The following MYL10 variants were observed in gnomAD, a reference collection of about 807,000 sequenced individuals.
MYL10 encodes the protein myosin regulatory light chain 10.
A neutral mutation model predicts 21.9 loss-of-function variants in MYL10; 18 were observed. That is an observed-to-expected ratio of 0.82 (90% confidence interval 0.57 to 1.22). The LOEUF (loss-of-function observed/expected upper bound fraction) is 1.22. Among genes scored for constraint, MYL10 ranks in the 50% most tolerant of loss-of-function variants. The probability of loss-of-function intolerance (pLI) is 0.00; values close to 1 mark genes in which losing one functional copy is unlikely to be tolerated. For missense variants in MYL10, 225 were observed against 230.4 expected, an observed-to-expected ratio of 0.98 and a Z score of 0.15; for synonymous variants, 88 against 82.8, an observed-to-expected ratio of 1.06 and a Z score of -0.34.
At chr7:101,627,032 C>T (rs1481413575) in intron 1 of MYL10, among the ~76,000 whole-genome samples, 3 of 152,006 alleles carry the variant, frequency 2.0e-5, no homozygotes, top group African/African-American at 7.3e-5. Flanking sequence ...TGGCTCACGC[C>T]TGTAATCCCA....
At chr7:101,617,159 G>A (rs925084646) in intron 5 of MYL10, among the ~76,000 whole-genome samples, 1 of 152,210 alleles carries the variant, frequency 6.6e-6, no homozygotes, top group Non-Finnish European at 1.5e-5. Context: ...CTGTGGATGC[G>A]GGGGTGCCCC....
At chr7:101,616,713 G>A (rs886269298) in intron 5 of MYL10, among the ~76,000 whole-genome samples, 9 of 152,278 alleles carry the variant, frequency 5.9e-5, no homozygotes, top group Middle Eastern at 3.4e-3. Flanking sequence ...TGACTCTGGG[G>A]CTCACGTGTT....
intron 4 of MYL10, 122 bp from the exon 5 acceptor site, chr7:101,622,322 T>C: frequency 3.0e-6 from 2 of 669,296 alleles, no homozygotes; most frequent in Non-Finnish European, 4.9e-6. Context: ...CCTAAGGCCC[T>C]GACGCCTTTT....
intron 6 of MYL10, among the ~76,000 whole-genome samples, 195 bp downstream of exon 6, chr7:101,616,025 A>G (rs1488871532): frequency 1.3e-5 from 2 of 151,794 alleles, no homozygotes; most frequent in Non-Finnish European, 2.9e-5. Flanking sequence ...ATCCATTTCT[A>G]CTTCCACGCA....
At chr7:101,626,713 T>G (rs926213865) in intron 1 of MYL10, among the ~76,000 whole-genome samples, 1 of 152,040 alleles carries the variant, frequency 6.6e-6, no homozygotes, top group Admixed American at 6.5e-5. Context: ...CCACTGCCCC[T>G]GTGAAGCCCC....
intron 5 of MYL10, among the ~76,000 whole-genome samples, chr7:101,620,382 G>A (rs894580335): frequency 7.2e-5 from 11 of 152,076 alleles, no homozygotes; most frequent in African/African-American, 2.2e-4. Context: ...AGAAGAGGGC[G>A]GGGCCATTGA....
intron 1 of MYL10, among the ~76,000 whole-genome samples, chr7:101,627,689 C>T (rs896749582): frequency 3.3e-5 from 5 of 152,208 alleles, no homozygotes; most frequent in East Asian, 1.9e-4. Context: ...ATACCACGGA[C>T]GCAGGGACTG....
chr7:101,627,217 C>G (rs1051353842), intron 1 of MYL10, among the ~76,000 whole-genome samples: 1 of 151,714 alleles, frequency 6.6e-6, no homozygotes, highest in Admixed American at 6.6e-5. Context: ...GAACCTCACT[C>G]GAAGCCAGGA....
intron 5 of MYL10, among the ~76,000 whole-genome samples, chr7:101,617,263 C>G (rs1796619414): frequency 6.6e-6 from 1 of 152,202 alleles, no homozygotes; most frequent in Admixed American, 6.5e-5. Context: ...GATAACATAC[C>G]ATTCATGGTA....
chr7:101,618,476 G>A (rs151015031), intron 5 of MYL10, among the ~76,000 whole-genome samples: 94 of 152,266 alleles, frequency 6.2e-4, no homozygotes, highest in African/African-American at 2.2e-3. Flanking sequence ...ATCCCCCTGC[G>A]GACAATGCAC....
intron 6 of MYL10, among the ~76,000 whole-genome samples, chr7:101,615,167 G>A (rs576792150): frequency 2.0e-5 from 3 of 152,154 alleles, no homozygotes; most frequent in African/African-American, 7.2e-5. Flanking sequence ...AAGTGAGCTG[G>A]TCACTTTCCC....
At chr7:101,618,962 G>A (rs1457685119) in intron 5 of MYL10, among the ~76,000 whole-genome samples, 1 of 152,168 alleles carries the variant, frequency 6.6e-6, no homozygotes, top group East Asian at 1.9e-4. Flanking sequence ...CTTCCCCTGA[G>A]CACTCTTGGA....
chr7:101,615,586 G>A (rs1316753955), intron 6 of MYL10, among the ~76,000 whole-genome samples: 1 of 125,338 alleles, frequency 8.0e-6, no homozygotes, highest in Non-Finnish European at 1.8e-5. Context: ...CCCTCATCTA[G>A]AATGCTGTTC....
chr7:101,627,014 G>A lies in MYL10; in HGVS notation c.78+2027C>T, dbSNP rs560218515. On this transcript the variant is annotated intron_variant, in intron 1 of 7. Transcript: ENST00000223167. Reference sequence around the variant, plus strand: ...AAGGTCAAAGTTGAGAAATGAGGCCGGGCGCTGTGGCTCACGCCTGTAATC... The same window carrying A: ...AAGGTCAAAGTTGAGAAATGAGGCCAGGCGCTGTGGCTCACGCCTGTAATC... 4.2e-4 allele frequency among the ~76,000 whole-genome samples: 64 copies of A among 152,202 alleles called. 2 individuals are homozygous for A. In the South Asian group the frequency reaches 0.011, roughly 27 times the overall value.
chr7:101,614,112 G>C (rs1796581696), intron 6 of MYL10, among the ~76,000 whole-genome samples: 1 of 152,190 alleles, frequency 6.6e-6, no homozygotes, highest in South Asian at 2.1e-4. Context: ...CACCTGCATA[G>C]TGTTTTAGAG....
chr7:101,615,697 CTTT>C (rs900024757), intron 6 of MYL10, among the ~76,000 whole-genome samples: 9 of 121,196 alleles, frequency 7.4e-5, no homozygotes, highest in African/African-American at 2.3e-4. Context: ...ACCACTTCTT[CTTT>C]TTTTTTTTTT....
intron 5 of MYL10, 44 bp from the exon 6 acceptor site, chr7:101,616,342 G>T: frequency 6.7e-7 from 1 of 1,499,790 alleles, no homozygotes; most frequent in Non-Finnish European, 9.3e-7. Flanking sequence ...CAGGTGAAGA[G>T]GGCCCCACAG....
At chr7:101,617,538 A>G (rs1281338586) in intron 5 of MYL10, among the ~76,000 whole-genome samples, 1 of 152,242 alleles carries the variant, frequency 6.6e-6, no homozygotes, top group Non-Finnish European at 1.5e-5. Flanking sequence ...TGCCAGTCAG[A>G]TTAGGTCAGC....
intron 5 of MYL10, among the ~76,000 whole-genome samples, chr7:101,621,422 C>A (rs1195616092): frequency 2.0e-5 from 3 of 152,058 alleles, no homozygotes; most frequent in Admixed American, 2.0e-4. Flanking sequence ...CAGGGGTCGA[C>A]CACAGCATCT....
Sources: allele counts gnomAD v4.1 joint callset (sites outside exome capture counted in the v4.1 genomes callset), GRCh38; gene constraint gnomAD v4.1.1; transcripts MANE v1.5; gene names NCBI Gene and HGNC (gene_info 2026-07-23, HGNC 2026-07-21).